Variants in ABCC9 observed in about 807,000 individuals in gnomAD.
The protein encoded by ABCC9 is ATP binding cassette subfamily C member 9.
Under a neutral mutation model 188.3 loss-of-function variants are expected in ABCC9, and 95 were observed. The ratio of observed to expected loss-of-function variants is 0.50; its 90% CI spans 0.43 to 0.60. ABCC9 has a LOEUF of 0.60. ABCC9 is among the 20% of genes least tolerant of loss of function. The pLI, the probability that ABCC9 is intolerant of heterozygous loss-of-function variation, is 0.00. For synonymous variants in ABCC9, 659 were observed against 652.7 expected (o/e 1.01, Z -0.15); for missense variants, 1,102 against 1,876.3 (o/e 0.59, Z 7.62).
chr12:21,898,489 G>A (rs1363961081), intron 12 of ABCC9, among the ~76,000 whole-genome samples: 1 of 152,106 alleles, frequency 6.6e-6, no homozygotes, highest in African/African-American at 2.4e-5. Flanking sequence ...CCAACTTTAT[G>A]TCTAATGTAT....
At chr12:21,802,405 A>AAGACT (rs1465883766) in intron 39 of ABCC9, among the ~76,000 whole-genome samples, 1 of 152,164 alleles carries the variant, frequency 6.6e-6, no homozygotes, top group Non-Finnish European at 1.5e-5. Context: ...TGGGAGCCAC[A>AAGACT]AGTAATTTTA....
intron 18 of ABCC9, 45 bp downstream of exon 18, chr12:21,872,580 C>G (rs750081203): frequency 7.3e-7 from 1 of 1,372,022 alleles, no homozygotes; most frequent in Non-Finnish European, 1.0e-6. Context: ...GGAAGATTAT[C>G]AGATGTATGA....
intron 2 of ABCC9, among the ~76,000 whole-genome samples, chr12:21,940,161 G>GA (rs1949636698): frequency 2.6e-5 from 4 of 152,218 alleles, no homozygotes; most frequent in Admixed American, 6.5e-5. Flanking sequence ...TCACTTAGCA[G>GA]AAAGCGTTAG....
At chr12:21,922,088 T>A (rs984648990) in intron 5 of ABCC9, among the ~76,000 whole-genome samples, 2 of 152,024 alleles carry the variant, frequency 1.3e-5, no homozygotes, top group Non-Finnish European at 2.9e-5. Context: ...AATTGTTTTT[T>A]CTATTTCTGT....
chr12:21,936,440 T>C, intron 3 of ABCC9, 93 bp downstream of exon 3: 3 of 1,121,096 alleles, frequency 2.7e-6, no homozygotes, highest in Non-Finnish European at 2.6e-6. Flanking sequence ...AGCTTCCATG[T>C]TACAGAAATT....
chr12:21,909,723 C>G (rs1181783757), intron 10 of ABCC9, among the ~76,000 whole-genome samples: 1 of 151,880 alleles, frequency 6.6e-6, no homozygotes, highest in Non-Finnish European at 1.5e-5. Flanking sequence ...AGGGGTCAAA[C>G]CATGGCTCTG....
intron 13 of ABCC9, 35 bp from the exon 14 acceptor site, chr12:21,894,209 G>A: frequency 6.2e-7 from 1 of 1,612,874 alleles, no homozygotes; most frequent in Non-Finnish European, 8.5e-7. Context: ...GAGAAAGCTG[G>A]AAAAAGTGTC....
chr12:21,927,359 C>T (rs1949083355), intron 4 of ABCC9, among the ~76,000 whole-genome samples: 1 of 151,906 alleles, frequency 6.6e-6, no homozygotes, highest in Non-Finnish European at 1.5e-5. Flanking sequence ...TGGTAATACA[C>T]GAGTTTGTAG....
intron 30 of ABCC9, among the ~76,000 whole-genome samples, chr12:21,831,473 G>A (rs921960738): frequency 6.6e-6 from 1 of 152,052 alleles, no homozygotes; most frequent in African/African-American, 2.4e-5. Context: ...AGTGAAGGGA[G>A]GAAACACAGC....
At chr12:21,832,867 C>T (rs959289162) in intron 30 of ABCC9, among the ~76,000 whole-genome samples, 15 of 152,146 alleles carry the variant, frequency 9.9e-5, no homozygotes, top group African/African-American at 3.6e-4. Context: ...AATATGGAAC[C>T]AGCCTAAATG....
At chr12:21,808,778 CAAA>C (rs34314026) in intron 37 of ABCC9, among the ~76,000 whole-genome samples, 2,138 of 80,452 alleles carry the variant, frequency 0.027, 36 homozygotes, top group African/African-American at 0.096. Context: ...GAACTTGTCT[CAAA>C]AAAAAAAAAA....
chr12:21,808,778 C>CAAAAAAAAAAAAAA (rs34314026), intron 37 of ABCC9, among the ~76,000 whole-genome samples: 1 of 80,506 alleles, frequency 1.2e-5, no homozygotes, highest in Non-Finnish European at 2.5e-5. Flanking sequence ...GAACTTGTCT[C>CAAAAAAAAAAAAAA]AAAAAAAAAA....
At chr12:21,871,401 T>C (rs1458872739) in intron 18 of ABCC9, among the ~76,000 whole-genome samples, 1 of 152,198 alleles carries the variant, frequency 6.6e-6, no homozygotes, top group Non-Finnish European at 1.5e-5. Flanking sequence ...AGGGATAAAA[T>C]GTACACTCAA....
chr12:21,897,544 A>G (rs1947486612), intron 12 of ABCC9, among the ~76,000 whole-genome samples: 1 of 152,182 alleles, frequency 6.6e-6, no homozygotes, highest in Non-Finnish European at 1.5e-5. Context: ...TTACAATCCT[A>G]CATGGTAGAT....
intron 31 of ABCC9, chr12:21,827,536 AC>A (rs1943452944): frequency 1.0e-5 from 1 of 95,684 alleles, no homozygotes; most frequent in East Asian, 2.3e-4. Flanking sequence ...CAACACACAC[AC>A]ACACACACAC....
intron 30 of ABCC9, among the ~76,000 whole-genome samples, chr12:21,832,379 A>G (rs991990168): frequency 5.9e-5 from 9 of 152,298 alleles, no homozygotes; most frequent in African/African-American, 1.9e-4. Context: ...AGAAAGGAAC[A>G]GATGGATGGA....
At chr12:21,845,883 T>C in intron 25 of ABCC9, 51 bp from the exon 26 acceptor site, 2 of 1,250,646 alleles carry the variant, frequency 1.6e-6, no homozygotes, top group South Asian at 1.2e-5. Context: ...CGGCTAGATA[T>C]AATTTTTATT....
chr12:21,858,883 A>C (rs1163779079), intron 22 of ABCC9, among the ~76,000 whole-genome samples: 10 of 152,186 alleles, frequency 6.6e-5, no homozygotes, highest in Admixed American at 6.6e-4. Flanking sequence ...GGATGCATTT[A>C]CATACTCTGC....
chr12:21,929,237 T>C (rs1325372590), intron 4 of ABCC9, among the ~76,000 whole-genome samples: 1 of 151,888 alleles, frequency 6.6e-6, no homozygotes, highest in East Asian at 1.9e-4. Context: ...TATAAAATAA[T>C]GAAGTATTTG....
Sources: gnomAD v4.1 joint callset for allele counts (sites outside exome capture counted in the v4.1 genomes callset) on GRCh38, gnomAD v4.1.1 for gene constraint, MANE v1.5 for transcripts, NCBI Gene and HGNC (gene_info 2026-07-23, HGNC 2026-07-21) for gene names.